The following CCSER1 variants were observed in gnomAD, a reference collection of about 807,000 sequenced individuals.
CCSER1 encodes the protein serine-rich coiled-coil domain-containing protein 1.
Under a neutral mutation model 82.0 loss-of-function variants are expected in CCSER1, and 41 were observed. The ratio of observed to expected loss-of-function variants is 0.50; its 90% confidence interval spans 0.39 to 0.65. CCSER1 has a LOEUF of 0.65. Among genes scored for constraint, CCSER1 ranks in the 30% least tolerant of loss-of-function variants. The pLI, the probability that CCSER1 is intolerant of heterozygous loss-of-function variation, is 0.00. For synonymous variants in CCSER1, 414 were observed against 383.9 expected (o/e 1.08, Z -0.92); for missense variants, 1,119 against 1,064.2 (o/e 1.05, Z -0.72).
At chr4:91,538,011 T>C (rs1761385900) in intron 10 of CCSER1, among the ~76,000 whole-genome samples, 1 of 152,066 alleles carries the variant, frequency 6.6e-6, no homozygotes, top group Non-Finnish European at 1.5e-5. Flanking sequence ...TATATTCAGA[T>C]AGACACTAAT....
At chr4:91,468,245 C>G (rs968098775) in intron 10 of CCSER1, among the ~76,000 whole-genome samples, 1 of 152,014 alleles carries the variant, frequency 6.6e-6, no homozygotes, top group South Asian at 2.1e-4. Context: ...GGCAAACTAT[C>G]GCAAGGACAA....
chr4:91,170,445 G>T lies in CCSER1; in HGVS notation c.2217+84451G>T, dbSNP rs73836867. ...AGTTGTACTTCTTCTGAAAACACGTGACTGTGTTATTTGTTACTAAAATGA... is the reference window on the plus strand; with the variant it reads ...AGTTGTACTTCTTCTGAAAACACGTTACTGTGTTATTTGTTACTAAAATGA... On this transcript the variant is annotated intron_variant, in intron 10 of 10. Coordinates refer to ENST00000509176, the MANE Select transcript of CCSER1 (RefSeq NM_001145065.2). Among the ~76,000 whole-genome samples, 678 of 152,178 alleles carry T rather than the reference G, an allele frequency of 4.5e-3. 6 individuals are homozygous for T. The highest frequency in any genetic ancestry group is 0.016 in the African/African-American group (647 of 41,490).
chr4:90,189,584 T>C (rs1050347328), intron 1 of CCSER1, among the ~76,000 whole-genome samples: 1 of 151,884 alleles, frequency 6.6e-6, no homozygotes, highest in African/African-American at 2.4e-5. Flanking sequence ...ATATATACCA[T>C]AGAGACGTTG....
At chr4:90,534,035 G>A (rs1447865906) in intron 5 of CCSER1, among the ~76,000 whole-genome samples, 3 of 152,210 alleles carry the variant, frequency 2.0e-5, no homozygotes, top group African/African-American at 7.2e-5. Context: ...CGAGTTGATT[G>A]TACAATTGAA....
At chr4:91,386,576 T>G (rs1751301613) in intron 10 of CCSER1, among the ~76,000 whole-genome samples, 2 of 152,006 alleles carry the variant, frequency 1.3e-5, no homozygotes, top group South Asian at 4.1e-4. Flanking sequence ...GGATGATAAG[T>G]CTATGGGAAA....
At chr4:91,380,603 A>T (rs149790894) in intron 10 of CCSER1, among the ~76,000 whole-genome samples, 46 of 152,218 alleles carry the variant, frequency 3.0e-4, no homozygotes, top group African/African-American at 1.1e-3. Context: ...TGCTTGGTAC[A>T]TCTTCCTCCT....
At chr4:91,028,010 AAG>A (rs1325942619) in intron 9 of CCSER1, among the ~76,000 whole-genome samples, 4 of 152,054 alleles carry the variant, frequency 2.6e-5, no homozygotes, top group African/African-American at 9.7e-5. Context: ...AAGAGGGGGT[AAG>A]AGAAACTACA....
chr4:90,401,283 G>A (rs566774860), intron 4 of CCSER1, among the ~76,000 whole-genome samples: 4 of 152,084 alleles, frequency 2.6e-5, no homozygotes, highest in Non-Finnish European at 5.9e-5. Flanking sequence ...TTATGCAGAT[G>A]GTTTTTACAA....
intron 9 of CCSER1, among the ~76,000 whole-genome samples, chr4:90,991,688 T>G (rs894284122): frequency 3.3e-5 from 5 of 151,996 alleles, no homozygotes; most frequent in African/African-American, 9.7e-5. Flanking sequence ...AAACCCTGTT[T>G]CCAAATAAAG....
intron 10 of CCSER1, among the ~76,000 whole-genome samples, chr4:91,555,770 ATCTT>A (rs1447036792): frequency 6.6e-6 from 1 of 151,150 alleles, no homozygotes; most frequent in Non-Finnish European, 1.5e-5. Context: ...TTTGCAATGT[ATCTT>A]TCTTCTTTGG....
chr4:91,522,562 G>T (rs1036618231), intron 10 of CCSER1, among the ~76,000 whole-genome samples: 2 of 152,176 alleles, frequency 1.3e-5, no homozygotes, highest in Admixed American at 1.3e-4. Context: ...GCAGTGGTTT[G>T]CAGTTTTCCT....
At chr4:90,889,291 C>T (rs868152446) in intron 8 of CCSER1, among the ~76,000 whole-genome samples, 1 of 152,216 alleles carries the variant, frequency 6.6e-6, no homozygotes, top group African/African-American at 2.4e-5. Context: ...CCTTAATTAT[C>T]TACTGGGTGT....
intron 4 of CCSER1, among the ~76,000 whole-genome samples, chr4:90,409,506 C>T (rs746128527): frequency 6.6e-6 from 1 of 152,118 alleles, no homozygotes; most frequent in African/African-American, 2.4e-5. Context: ...ATTTTCAACC[C>T]AGAATTTAAT....
intron 10 of CCSER1, among the ~76,000 whole-genome samples, chr4:91,147,098 G>A (rs1247595119): frequency 1.3e-5 from 2 of 152,290 alleles, no homozygotes; most frequent in African/African-American, 2.4e-5. Context: ...AATTCCCCAG[G>A]GTTCCACTGG....
Position 91,422,562 on chromosome 4 carries a change from T to C in CCSER1, c.2218-176010T>C, listed in dbSNP as rs1753740083. On this transcript the variant is annotated intron_variant, in intron 10 of 10. Transcript: ENST00000509176. ...AGAATTAGGAGGACATTGGTGCTTATGAAATACTCATTGTTTGATTCATGT... is the reference window on the plus strand; with the variant it reads ...AGAATTAGGAGGACATTGGTGCTTACGAAATACTCATTGTTTGATTCATGT... Among the ~76,000 whole-genome samples, 3 of 152,186 alleles carry C rather than the reference T, an allele frequency of 2.0e-5. No individual in the cohort carries two copies. The South Asian group carries it at 6.2e-4, about 31-fold the overall frequency.
intron 10 of CCSER1, among the ~76,000 whole-genome samples, chr4:91,564,270 A>C (rs986313047): frequency 6.6e-6 from 1 of 151,960 alleles, no homozygotes; most frequent in Non-Finnish European, 1.5e-5. Context: ...TATATAGGCC[A>C]CATTTTTTTA....
chr4:90,844,428 C>G lies in CCSER1; in HGVS notation c.2094+28583C>G, dbSNP rs564243027. On this transcript the variant is annotated intron_variant, in intron 8 of 10. Coordinates refer to ENST00000509176, the MANE Select transcript of CCSER1 (RefSeq NM_001145065.2). ...GACATTCCTCATAAAGACTACTTTCCCCTCCCTCATTCCACTCCAGCCACA... is the reference window on the plus strand; with the variant it reads ...GACATTCCTCATAAAGACTACTTTCGCCTCCCTCATTCCACTCCAGCCACA... 1.3e-4 allele frequency among the ~76,000 whole-genome samples: 19 copies of G among 151,888 alleles called. No individual in the cohort carries two copies. The South Asian group carries it at 3.1e-3, about 25-fold the overall frequency.
rs983484574 is a variant in CCSER1, at chr4:91,525,518, T to C, written c.2218-73054T>C. Among the ~76,000 whole-genome samples the C allele has an allele frequency of 3.9e-5, 6 of 152,280 alleles. No individual in the cohort carries two copies. In the East Asian group the frequency reaches 9.6e-4, roughly 24 times the overall value. ...TGTAATCCACTGTGATTATAAACTATGTATGGGAAATTGTTTTATAATGGA... is the reference window on the plus strand; with the variant it reads ...TGTAATCCACTGTGATTATAAACTACGTATGGGAAATTGTTTTATAATGGA... On this transcript the variant is annotated intron_variant, in intron 10 of 10. Coordinates refer to ENST00000509176, the MANE Select transcript of CCSER1 (RefSeq NM_001145065.2).
At chr4:90,970,004 A>G (rs2150396102) in intron 9 of CCSER1, among the ~76,000 whole-genome samples, 1 of 151,952 alleles carries the variant, frequency 6.6e-6, no homozygotes, top group East Asian at 1.9e-4. Context: ...AAAAAATCAT[A>G]AAATTACAAA....
Sources: gnomAD v4.1 joint callset for allele counts (sites outside exome capture counted in the v4.1 genomes callset) on GRCh38, gnomAD v4.1.1 for gene constraint, MANE v1.5 for transcripts, NCBI Gene and HGNC (gene_info 2026-07-23, HGNC 2026-07-21) for gene names.